The following NUBP1 variants were observed in gnomAD, a reference collection of about 807,000 sequenced individuals.
NUBP1 encodes the protein cytosolic Fe-S cluster assembly factor NUBP1.
A neutral mutation model predicts 41.8 loss-of-function variants in NUBP1; 46 were observed. That is an observed-to-expected ratio of 1.10 (90% CI 0.87 to 1.41). The LOEUF (loss-of-function observed/expected upper bound fraction) is 1.41. Ranked by LOEUF, NUBP1 falls within the 40% of genes most tolerant of loss-of-function variation. The probability of loss-of-function intolerance (pLI) is 0.00; values close to 1 mark genes in which losing one functional copy is unlikely to be tolerated. For missense variants in NUBP1, 494 were observed against 414.0 expected (o/e 1.19, Z -1.68); for synonymous variants, 189 against 154.6 (o/e 1.22, Z -1.65).
rs1369124697 is a variant in NUBP1 at position 10,761,761 on chromosome 16, A to G, written c.722A>G (p.Glu241Gly). 2.5e-6 allele frequency: 4 copies of G among 1,613,258 alleles called. No individual in the cohort carries two copies. Among genetic ancestry groups the G allele is most frequent in the African/African-American group, 1.3e-5 (1 of 74,892 alleles). ...SGFICPKCKK[E>G]SQIFPPTTGG... ...CCCTTTGAATTTGCCTTGCAGAAAG[A>G]ATCTCAGATATTCCCTCCCACAACC... The change falls in exon 9 of 11, where the codon GAA becomes GGA. Residue 241 changes from glutamate to glycine, a missense_variant. Coordinates refer to ENST00000283027, the MANE Select transcript of NUBP1 (RefSeq NM_002484.4).
At chr16:10,754,643 G>A (rs550045315) in intron 4 of NUBP1, among the ~76,000 whole-genome samples, 2 of 152,342 alleles carry the variant, frequency 1.3e-5, no homozygotes, top group South Asian at 4.1e-4. Flanking sequence ...CACAGTGAGA[G>A]AAAGTGGATT....
chr16:10,746,084 G>A (rs1244422366), intron 2 of NUBP1, among the ~76,000 whole-genome samples: 1 of 152,228 alleles, frequency 6.6e-6, no homozygotes, highest in Non-Finnish European at 1.5e-5. Flanking sequence ...TTTTGCAGGT[G>A]TCTGGTTAAT....
chr16:10,755,097 T>TAC (rs1478050216), intron 4 of NUBP1, among the ~76,000 whole-genome samples: 7 of 152,208 alleles, frequency 4.6e-5, no homozygotes, highest in Non-Finnish European at 8.8e-5. Context: ...CTTGTGACTG[T>TAC]ACAGAAAGCC....
chr16:10,752,737 G>C, intron 4 of NUBP1, 59 bp downstream of exon 4: 1 of 1,393,326 alleles, frequency 7.2e-7, no homozygotes, highest in Non-Finnish European at 1.0e-6. Context: ...CTGTAGCACT[G>C]AACTGTCAAA....
At position 10,758,027 on chromosome 16, in the gene NUBP1, G is replaced by A; in HGVS notation, c.606G>A (p.Gln202=). 6.2e-7 allele frequency: 1 copy of A among 1,611,724 alleles called. No individual in the cohort carries two copies. The highest frequency in any genetic ancestry group is 8.5e-7 in the Non-Finnish European group (1 of 1,178,178). Reference sequence around the variant, plus strand: ...GAGCAGTGATCATCACCACTCCCCAGGTGAGCGAGCTGCCAGCTGGAGCTG... The same window carrying A: ...GAGCAGTGATCATCACCACTCCCCAAGTGAGCGAGCTGCCAGCTGGAGCTG... ...IDGAVIITTP[Q]EVSLQDVRKE... Residue 202 remains glutamine (Q), a splice_region_variant and synonymous_variant, in exon 7 of 11, where the codon CAG becomes CAA. Coordinates refer to ENST00000283027, the MANE Select transcript of NUBP1 (RefSeq NM_002484.4).
intron 3 of NUBP1, among the ~76,000 whole-genome samples, chr16:10,751,987 A>G (rs553008363): frequency 6.6e-5 from 10 of 152,292 alleles, no homozygotes; most frequent in African/African-American, 2.2e-4. Context: ...ACCAGAGATA[A>G]TGATACTTAC....
Position 10,767,055 on chromosome 16 carries a change from A to G in NUBP1, c.821-894A>G. On this transcript the variant is annotated intron_variant, in intron 9 of 10. Transcript: ENST00000283027. The surrounding 1 kb of genome is among the most constrained non-coding windows in gnomAD (Gnocchi z 4.6). ...GCGACACAGTAGTGAAGTTGAGGAAATGATGAGTGCTAGGTAGGAACCCCT... is the reference window on the plus strand; with the variant it reads ...GCGACACAGTAGTGAAGTTGAGGAAGTGATGAGTGCTAGGTAGGAACCCCT... 1 of 398,734 alleles carries G rather than the reference A, an allele frequency of 2.5e-6. No homozygotes were observed. 24.7% of individuals were successfully genotyped at this position (398,734 alleles called of 1,614,324 possible).
chr16:10,758,290 G>A (rs1421365721), intron 7 of NUBP1, among the ~76,000 whole-genome samples: 1 of 152,134 alleles, frequency 6.6e-6, no homozygotes, highest in African/African-American at 2.4e-5. Context: ...GAAAAACATA[G>A]CAAAACCCCA....
intron 3 of NUBP1, among the ~76,000 whole-genome samples, chr16:10,751,200 T>TGA (rs1351345503): frequency 6.6e-6 from 1 of 152,014 alleles, no homozygotes. Flanking sequence ...TAAAGGGAAT[T>TGA]GATTAAATTG....
At chr16:10,762,370 A>T (rs1201418008) in intron 9 of NUBP1, among the ~76,000 whole-genome samples, 1 of 152,182 alleles carries the variant, frequency 6.6e-6, no homozygotes, top group Admixed American at 6.5e-5. Flanking sequence ...CTTCTTAAGT[A>T]CGTGGGTCTC....
rs770286336 is a variant in NUBP1 at position 10,743,991 on chromosome 16, G to A, written c.50G>A (p.Gly17Asp). Residue 17 changes from glycine (G) to aspartate (D), a missense_variant, in exon 2 of 11, where the codon GGC becomes GAC. Coordinates refer to ENST00000283027, the MANE Select transcript of NUBP1 (RefSeq NM_002484.4). Reference protein sequence around the residue: ...DCPGADSAQAGRGASCQGCPN... With the variant: ...DCPGADSAQADRGASCQGCPN... ...CCAGGGGCCGACAGCGCCCAGGCGG[G>A]CAGAGGGGCTTCATGTCAGGGATGC... is the stretch of plus-strand genomic sequence containing the variant. 5 of 1,582,822 alleles carry A rather than the reference G, an allele frequency of 3.2e-6. No homozygotes were observed. The South Asian group carries it at 3.5e-5, about 11-fold the overall frequency.
chr16:10,744,888 C>G (rs143265462), intron 2 of NUBP1, among the ~76,000 whole-genome samples: 19 of 151,842 alleles, frequency 1.3e-4, no homozygotes, highest in Admixed American at 2.6e-4. Context: ...CTCCCGAGTA[C>G]CTGGGACTAC....
rs770683206 is a variant in NUBP1 at position 10,769,215 on chromosome 16, C to G, written c.*110C>G. 2.5e-5 allele frequency: 23 copies of G among 910,294 alleles called. No homozygotes were observed. The highest frequency in any genetic ancestry group is 3.9e-5 in the Non-Finnish European group (22 of 565,034). The allele number at this position is 910,294 out of a possible 1,614,324, so 56.4% of individuals were successfully genotyped here. A position where few individuals can be genotyped will look rare whatever the true frequency, so the allele number is the denominator to read the frequency against. The stretch of plus-strand genomic sequence containing the variant: ...ATGGGGTGGGTCACAGCAAAAGGAC[C>G]AGATGCTGGTGTGGTCCGAAGCCAC... On this transcript the variant is annotated 3_prime_UTR_variant, in exon 11 of 11. Coordinates refer to ENST00000283027, the MANE Select transcript of NUBP1 (RefSeq NM_002484.4).
rs138221572 is a variant in NUBP1, at chr16:10,756,693, G to A, written c.364G>A (p.Val122Met). 7.6e-5 allele frequency: 119 copies of A among 1,566,584 alleles called. No individual in the cohort carries two copies. In the African/African-American group the frequency reaches 9.9e-4, roughly 13 times the overall value. Residue 122 changes from valine to methionine, a missense_variant, in exon 6 of 11, where the codon GTG becomes ATG. Transcript: ENST00000283027. ...QSGSGWSPVY[V>M]EDNLGVMSVG... ...CCTCACCCTGTTCCCTCTGCAGTAC[G>A]TGGAAGACAACCTGGGGGTGATGTC...
rs144134176 is a variant in NUBP1, at chr16:10,761,793, G to T, written c.754G>T (p.Ala252Ser). ...GATATTCCCTCCCACAACCGGGGGC[G>T]CGGAGCTCATGTGCCAGGACTTGGA... Reference protein sequence around the residue: ...SQIFPPTTGGAELMCQDLEVP... With the variant: ...SQIFPPTTGGSELMCQDLEVP... The change falls in exon 9 of 11, where the codon GCG becomes TCG. Residue 252 changes from alanine to serine, a missense_variant. By Grantham distance (99) the Ala-to-Ser change is moderately conservative (BLOSUM62 1). Transcript: ENST00000283027. 2 of 1,614,064 alleles carry T rather than the reference G, an allele frequency of 1.2e-6. No individual in the cohort carries two copies. The highest frequency in any genetic ancestry group is 3.3e-5 in the Admixed American group (2 of 60,002).
In NUBP1 at chr16:10,761,948, G is replaced by A. The variant is rs139743116; in HGVS notation, c.820+89G>A. On this transcript the variant is annotated intron_variant, in intron 9 of 10. Transcript: ENST00000283027. ...CACAACAGGGGGCGGCTACAGAGAG[G>A]GGCAATGGAAGGAGGAGGGTCAATG... 2,042 of 1,020,694 alleles carry A rather than the reference G, an allele frequency of 2.0e-3. 31 individuals are homozygous for A. The African/African-American group carries it at 0.029, about 15-fold the overall frequency. 63.2% of individuals were successfully genotyped at this position (1,020,694 alleles called of 1,614,324 possible). A position where few individuals can be genotyped will look rare whatever the true frequency, so the allele number is the denominator to read the frequency against.
chr16:10,752,388 G>A (rs1005188566), intron 3 of NUBP1, among the ~76,000 whole-genome samples: 1 of 152,210 alleles, frequency 6.6e-6, no homozygotes, highest in African/African-American at 2.4e-5. Flanking sequence ...CCCTTGAGGA[G>A]CTCAGCCAGG....
rs775231355 is a variant in NUBP1 at position 10,761,359 on chromosome 16, C to T, written c.607-5C>T. 8.7e-6 allele frequency: 14 copies of T among 1,613,214 alleles called. No homozygotes were observed. In the East Asian group the frequency reaches 8.9e-5, roughly 10 times the overall value. The stretch of plus-strand genomic sequence containing the variant: ...CTGGAATCACTGGTCTTTTCACCTT[C>T]GTAGGAGGTGTCACTCCAGGATGTC... On this transcript the variant is annotated splice_region_variant and splice_polypyrimidine_tract_variant and intron_variant, in intron 7 of 10. Coordinates refer to ENST00000283027, the MANE Select transcript of NUBP1 (RefSeq NM_002484.4).
Position 10,767,879 on chromosome 16 carries a change from G to A in NUBP1, c.821-70G>A. On this transcript the variant is annotated intron_variant, in intron 9 of 10. Transcript: ENST00000283027. The surrounding 1 kb of genome is among the most constrained non-coding windows in gnomAD (Gnocchi z 4.6). The stretch of plus-strand genomic sequence containing the variant: ...TCCCATTGTCACCAGCACGGAAAGA[G>A]CCCCAAGATCTTGTGGCCATTCTGT... The A allele has an allele frequency of 3.6e-6, 5 of 1,394,888 alleles. No homozygotes were observed. The South Asian group carries it at 5.8e-5, about 16-fold the overall frequency. The allele number at this position is 1,394,888 out of a possible 1,614,324, so 86.4% of individuals were successfully genotyped here.
Sources: gnomAD v4.1 joint callset for allele counts (sites outside exome capture counted in the v4.1 genomes callset) on GRCh38, gnomAD v4.1.1 for gene constraint, Gnocchi (gnomAD v3.1) non-coding constraint, MANE v1.5 for transcripts, NCBI Gene and HGNC (gene_info 2026-07-23, HGNC 2026-07-21) for gene names.